The following ITPA variants were observed in gnomAD, a reference collection of about 807,000 sequenced individuals.
ITPA encodes the protein inosine triphosphate pyrophosphatase.
ITPA carries 29 observed loss-of-function variants against 29.6 expected under a neutral mutation model. The observed-to-expected ratio is 0.98, with a 90% confidence interval of 0.73 to 1.34. ITPA has a LOEUF of 1.34. Ranked by LOEUF, ITPA falls within the 40% of genes most tolerant of loss-of-function variation. ITPA has a pLI of 0.00. For missense variants in ITPA, 241 were observed against 251.5 expected (o/e 0.96, Z 0.28); for synonymous variants, 103 against 99.3 (o/e 1.04, Z -0.22).
chr20:3,218,570 A>T lies in ITPA; in HGVS notation c.349A>T (p.Thr117Ser). ...GGACAAGTCAGCCTATGCGCTCTGCACGTTTGCACTCAGCACCGGGGACCC... is the reference window on the plus strand; with the variant it reads ...GGACAAGTCAGCCTATGCGCTCTGCTCGTTTGCACTCAGCACCGGGGACCC... ...FEDKSAYALC[T>S]FALSTGDPSQ... The change falls in exon 6 of 8, where the codon ACG becomes TCG. Residue 117 changes from threonine to serine, a missense_variant. Thr to Ser is a moderately conservative substitution (Grantham distance 58). Coordinates refer to ENST00000380113, the MANE Select transcript of ITPA (RefSeq NM_033453.4). 1.2e-6 allele frequency: 2 copies of T among 1,613,950 alleles called. No homozygotes were observed. The highest frequency in any genetic ancestry group is 1.7e-6 in the Non-Finnish European group (2 of 1,180,030).
chr20:3,215,732 C>T (rs576752558), intron 5 of ITPA, among the ~76,000 whole-genome samples: 1 of 152,320 alleles, frequency 6.6e-6, no homozygotes, highest in African/African-American at 2.4e-5. Context: ...GTTGCCCAGG[C>T]TGGAGTACAC....
upstream of ITPA, chr20:3,204,670 C>A (rs2067058683): frequency 6.5e-7 from 1 of 1,538,138 alleles, no homozygotes; most frequent in Non-Finnish European, 8.7e-7. Context: ...ACCCTGAGGC[C>A]GGGATCTCAT....
chr20:3,217,453 G>A (rs2067333326), intron 5 of ITPA, among the ~76,000 whole-genome samples: 1 of 151,972 alleles, frequency 6.6e-6, no homozygotes, highest in South Asian at 2.1e-4. Flanking sequence ...TCTTCAGCTT[G>A]TATTTATTTT....
chr20:3,218,383 C>T (rs1022411556), intron 5 of ITPA, 134 bp from the exon 6 acceptor site: 20 of 718,912 alleles, frequency 2.8e-5, no homozygotes, highest in Admixed American at 6.0e-5. Context: ...GGCTCTGCCG[C>T]CCCCGCTACC....
chr20:3,214,074 C>T lies in ITPA; in HGVS notation c.263+16C>T, dbSNP rs750125461. The T allele has an allele frequency of 3.1e-6, 5 of 1,613,010 alleles. No homozygotes were observed. The highest frequency in any genetic ancestry group is 2.7e-5 in the African/African-American group (2 of 74,918). On this transcript the variant is annotated intron_variant, in intron 4 of 7. Coordinates refer to ENST00000380113, the MANE Select transcript of ITPA (RefSeq NM_033453.4). Reference sequence around the variant, plus strand: ...GCCCCTACATGTGAGTGACTACCTCCACCCCCTTACAGGGCGTCAGGCCCA... The same window carrying T: ...GCCCCTACATGTGAGTGACTACCTCTACCCCCTTACAGGGCGTCAGGCCCA...
intron 7 of ITPA, among the ~76,000 whole-genome samples, chr20:3,222,993 G>C (rs191206756): frequency 2.0e-5 from 3 of 152,134 alleles, no homozygotes; most frequent in Admixed American, 6.5e-5. Flanking sequence ...GTGCTCCCCC[G>C]CCCTCAGCGC....
chr20:3,226,214 T>C (rs759918197), downstream of ITPA, among the ~76,000 whole-genome samples: 8 of 152,190 alleles, frequency 5.3e-5, no homozygotes, highest in Non-Finnish European at 1.0e-4. This position sits in a 1 kb window ranked among gnomAD's most constrained non-coding sequence, Gnocchi z 4.4. Context: ...AGCCCTCAAC[T>C]TGGGGTTTCT....
chr20:3,205,864 A>G (rs1314027611), upstream of ITPA, among the ~76,000 whole-genome samples: 2 of 150,240 alleles, frequency 1.3e-5, no homozygotes, highest in Non-Finnish European at 3.0e-5. Context: ...AAACCAGCCT[A>G]GCTGACGTGA....
downstream of ITPA, among the ~76,000 whole-genome samples, chr20:3,224,534 A>AGT (rs900194926): frequency 7.2e-5 from 11 of 152,188 alleles, no homozygotes. Context: ...GTGAGGACAG[A>AGT]GTGTCATTCC....
chr20:3,217,425 A>G (rs533433412), intron 5 of ITPA, among the ~76,000 whole-genome samples: 12 of 152,248 alleles, frequency 7.9e-5, no homozygotes, highest in African/African-American at 2.9e-4. Flanking sequence ...AATCACAGAC[A>G]TCATATCATC....
At chr20:3,219,794 C>G (rs1045454247) in intron 6 of ITPA, among the ~76,000 whole-genome samples, 1 of 151,124 alleles carries the variant, frequency 6.6e-6, no homozygotes, top group Non-Finnish European at 1.5e-5. Context: ...CACATGTAAT[C>G]CCAGCACTTT....
chr20:3,204,858 A>ATGTTTTT (rs986263707), upstream of ITPA, among the ~76,000 whole-genome samples: 15 of 148,664 alleles, frequency 1.0e-4, no homozygotes, highest in Non-Finnish European at 2.0e-4. Context: ...ACATCTATGT[A>ATGTTTTT]TGTTTTTTTT....
chr20:3,219,990 T>C (rs1324362892), intron 6 of ITPA, among the ~76,000 whole-genome samples: 5 of 141,476 alleles, frequency 3.5e-5, no homozygotes, highest in African/African-American at 1.3e-4. Flanking sequence ...GACAGTGAGC[T>C]ATGATCGCAC....
chr20:3,212,510 G>T (rs763717666), intron 1 of ITPA, among the ~76,000 whole-genome samples: 1 of 152,012 alleles, frequency 6.6e-6, no homozygotes. Flanking sequence ...TTGTAAAGAT[G>T]GGGTTTTGCC....
At chr20:3,212,351 A>T (rs943129905) in intron 1 of ITPA, among the ~76,000 whole-genome samples, 7 of 150,244 alleles carry the variant, frequency 4.7e-5, no homozygotes, top group African/African-American at 1.7e-4. Flanking sequence ...ACGGAGTCTC[A>T]CTCTGTCGCC....
chr20:3,209,631 G>T lies in ITPA; in HGVS notation c.66+14G>T. The T allele has an allele frequency of 1.2e-6, 2 of 1,613,042 alleles. No individual in the cohort carries two copies. The highest frequency in any genetic ancestry group is 1.7e-6 in the Non-Finnish European group (2 of 1,179,128). On this transcript the variant is annotated intron_variant, in intron 1 of 7. Coordinates refer to ENST00000380113, the MANE Select transcript of ITPA (RefSeq NM_033453.4). The surrounding 1 kb of genome is among the most constrained non-coding windows in gnomAD (Gnocchi z 4.6). Reference sequence around the variant, plus strand: ...AAGCTGGAGGAGGTGCCGGGAGGGTGTTGGGGGCTAACTGGGAGGCGGCTG... The same window carrying T: ...AAGCTGGAGGAGGTGCCGGGAGGGTTTTGGGGGCTAACTGGGAGGCGGCTG...
chr20:3,221,457 G>A (rs1020730103), intron 6 of ITPA, among the ~76,000 whole-genome samples: 5 of 152,176 alleles, frequency 3.3e-5, no homozygotes, highest in African/African-American at 9.7e-5. Context: ...GCTTGTCCAC[G>A]GAGTTCAGGG....
chr20:3,221,992 C>G lies in ITPA; in HGVS notation c.488+75C>G, dbSNP rs562115900. 18 of 1,393,260 alleles carry G rather than the reference C, an allele frequency of 1.3e-5. No homozygotes were observed. The East Asian group carries it at 3.7e-4, about 28-fold the overall frequency. 86.3% of individuals were successfully genotyped at this position (1,393,260 alleles called of 1,614,324 possible). ...GGTTTGGGTTGGGCCAGTGCCCCGCCCAAGTGCAGGCATGCGGATATGGGC... is the reference window on the plus strand; with the variant it reads ...GGTTTGGGTTGGGCCAGTGCCCCGCGCAAGTGCAGGCATGCGGATATGGGC... On this transcript the variant is annotated intron_variant, in intron 7 of 7. Coordinates refer to ENST00000380113, the MANE Select transcript of ITPA (RefSeq NM_033453.4).
At chr20:3,213,134 G>T (rs756078258) in intron 1 of ITPA, 35 bp from the exon 2 acceptor site, 1 of 1,585,234 alleles carries the variant, frequency 6.3e-7, no homozygotes, top group Non-Finnish European at 8.7e-7. Flanking sequence ...AGAATCACTA[G>T]ATGGTGATAA....
Sources: allele counts gnomAD v4.1 joint callset (sites outside exome capture counted in the v4.1 genomes callset), GRCh38; gene constraint gnomAD v4.1.1; non-coding constraint Gnocchi (gnomAD v3.1); transcripts MANE v1.5; gene names NCBI Gene and HGNC (gene_info 2026-07-23, HGNC 2026-07-21).